The following HEMK2 variants were observed in gnomAD, a reference collection of about 807,000 sequenced individuals.
HEMK2 encodes HemK methyltransferase 2, ETF1 glutamine and histone H4 lysine.
the HEMK2 span, among the ~76,000 whole-genome samples, chr21:28,760,075 T>C: frequency 1.3e-5 from 2 of 152,284 alleles, no homozygotes; most frequent in African/African-American, 2.4e-5. Flanking sequence ...ACACCAAATG[T>C]ATAAAATCTC....
the HEMK2 span, among the ~76,000 whole-genome samples, chr21:28,815,411 G>A: frequency 1.5e-4 from 23 of 151,864 alleles, no homozygotes; most frequent in Admixed American, 1.5e-3. Flanking sequence ...ATAGGGAAGG[G>A]TCTGAAGGCA....
the HEMK2 span, among the ~76,000 whole-genome samples, chr21:28,805,772 G>A: frequency 3.3e-5 from 5 of 151,986 alleles, no homozygotes; most frequent in African/African-American, 7.2e-5. Flanking sequence ...GCTTCTGTAC[G>A]ACTTTACATT....
the HEMK2 span, among the ~76,000 whole-genome samples, chr21:28,653,650 T>A: frequency 6.6e-6 from 1 of 152,210 alleles, no homozygotes. Flanking sequence ...GTTTCTTGTT[T>A]GTTTACAGTC....
chr21:28,737,394 G>A, the HEMK2 span, among the ~76,000 whole-genome samples: 1 of 152,086 alleles, frequency 6.6e-6, no homozygotes, highest in African/African-American at 2.4e-5. Context: ...CAAAGTTCTG[G>A]GATTACAGTC....
the HEMK2 span, among the ~76,000 whole-genome samples, chr21:28,852,761 T>C: frequency 6.6e-6 from 1 of 152,228 alleles, no homozygotes; most frequent in South Asian, 2.1e-4. Flanking sequence ...GTTTACTCGA[T>C]CTGAAAGTTC....
chr21:28,882,944 A>C, the HEMK2 span: 6 of 1,302,120 alleles, frequency 4.6e-6, no homozygotes, highest in Non-Finnish European at 6.4e-6. Flanking sequence ...TATCATAGTT[A>C]ACCTGTCAGT....
the HEMK2 span, among the ~76,000 whole-genome samples, chr21:28,769,383 C>T: frequency 6.6e-6 from 1 of 152,014 alleles, no homozygotes; most frequent in Non-Finnish European, 1.5e-5. Context: ...TGTTTTCTCC[C>T]CCAAAATGAA....
At chr21:28,878,814 A>G in the HEMK2 span, among the ~76,000 whole-genome samples, 18 of 151,378 alleles carry the variant, frequency 1.2e-4, no homozygotes, top group Admixed American at 1.1e-3. Context: ...GTTTTATAAG[A>G]GACCTACTGT....
At chr21:28,625,456 C>T in the HEMK2 span, among the ~76,000 whole-genome samples, 1 of 152,128 alleles carries the variant, frequency 6.6e-6, no homozygotes, top group Non-Finnish European at 1.5e-5. Context: ...TTTGGTGGCT[C>T]ATGCCTGGAA....
At chr21:28,794,143 G>GT in the HEMK2 span, among the ~76,000 whole-genome samples, 28 of 152,038 alleles carry the variant, frequency 1.8e-4, no homozygotes, top group East Asian at 3.1e-3. Flanking sequence ...GGTACCTAAA[G>GT]TTTTTTTTAA....
At chr21:28,693,122 T>C in the HEMK2 span, among the ~76,000 whole-genome samples, 1 of 152,178 alleles carries the variant, frequency 6.6e-6, no homozygotes, top group Non-Finnish European at 1.5e-5. Context: ...CATTGAAATG[T>C]ACACTTTAAA....
the HEMK2 span, chr21:28,874,273 A>G: frequency 6.6e-6 from 1 of 152,320 alleles, no homozygotes; most frequent in East Asian, 1.9e-4. Flanking sequence ...AAGTCCACGG[A>G]TGGTAGTTTT....
the HEMK2 span, among the ~76,000 whole-genome samples, chr21:28,660,845 A>C: frequency 6.6e-6 from 1 of 152,036 alleles, no homozygotes; most frequent in African/African-American, 2.4e-5. Flanking sequence ...ATGGGACAGA[A>C]CTCAATAGTG....
chr21:28,785,858 T>A, the HEMK2 span, among the ~76,000 whole-genome samples: 1 of 152,234 alleles, frequency 6.6e-6, no homozygotes, highest in African/African-American at 2.4e-5. Context: ...ACCATTAGCA[T>A]ATTTTAGTCC....
the HEMK2 span, among the ~76,000 whole-genome samples, chr21:28,676,034 G>C: frequency 6.6e-6 from 1 of 152,178 alleles, no homozygotes; most frequent in Admixed American, 6.5e-5. Context: ...TCCACTGTCT[G>C]GGCCTTCGGA....
the HEMK2 span, among the ~76,000 whole-genome samples, chr21:28,831,458 A>AGAAT: frequency 1.1e-4 from 4 of 37,546 alleles, no homozygotes; most frequent in South Asian, 1.7e-3. Flanking sequence ...AAGAAAGAAA[A>AGAAT]GAACGAAAGA....
chr21:28,715,002 T>C, the HEMK2 span, among the ~76,000 whole-genome samples: 1 of 152,224 alleles, frequency 6.6e-6, no homozygotes, highest in Admixed American at 6.5e-5. Flanking sequence ...TAACATTCCA[T>C]GGTGTATATG....
chr21:28,758,739 C>T, the HEMK2 span, among the ~76,000 whole-genome samples: 1 of 152,176 alleles, frequency 6.6e-6, no homozygotes, highest in African/African-American at 2.4e-5. Context: ...ATGAAAATAA[C>T]ATGTCAAACC....
chr21:28,692,815 C>G, the HEMK2 span, among the ~76,000 whole-genome samples: 8 of 152,022 alleles, frequency 5.3e-5, no homozygotes, highest in African/African-American at 1.9e-4. Flanking sequence ...GGCTATTATT[C>G]TACAATAAAA....
Sources: allele counts gnomAD v4.1 joint callset (sites outside exome capture counted in the v4.1 genomes callset), GRCh38; gene constraint gnomAD v4.1.1; transcripts MANE v1.5; gene names NCBI Gene and HGNC (gene_info 2026-07-23, HGNC 2026-07-21).